PRKD1: variants seen among roughly 807,000 people sequenced by gnomAD.
PRKD1 encodes the protein serine/threonine-protein kinase D1.
A neutral mutation model predicts 95.9 loss-of-function variants in PRKD1; 63 were observed. The ratio of observed to expected loss-of-function variants is 0.66; its 90% CI spans 0.54 to 0.81. The LOEUF is 0.81. Ranked by LOEUF, PRKD1 falls within the 30% of genes least tolerant of loss-of-function variation. The pLI is 0.00. For missense variants in PRKD1, 1,048 were observed against 1,165.3 expected (o/e 0.90, Z 1.47); for synonymous variants, 425 against 423.1 (o/e 1.00, Z -0.05).
intron 1 of PRKD1, among the ~76,000 whole-genome samples, chr14:29,917,998 T>A (rs906680194): frequency 6.6e-6 from 1 of 152,072 alleles, no homozygotes; most frequent in African/African-American, 2.4e-5. Flanking sequence ...TAAACTTGTG[T>A]CATGGGGGGG....
intron 1 of PRKD1, among the ~76,000 whole-genome samples, chr14:29,828,331 AAGG>A (rs1891275873): frequency 6.6e-6 from 1 of 152,042 alleles, no homozygotes; most frequent in African/African-American, 2.4e-5. Context: ...CAAGAGAGAG[AAGG>A]AGAAGGTGCC....
intron 1 of PRKD1, among the ~76,000 whole-genome samples, chr14:29,780,403 A>G (rs997363333): frequency 3.3e-5 from 5 of 152,368 alleles, no homozygotes; most frequent in Admixed American, 2.6e-4. Context: ...ACAAAGGGCT[A>G]ATATCCAGAA....
At chr14:29,629,168 C>G in intron 10 of PRKD1, 75 bp from the exon 11 acceptor site, 1 of 1,242,924 alleles carries the variant, frequency 8.0e-7, no homozygotes, top group East Asian at 2.4e-5. Context: ...TAAGTACATG[C>G]TTACAAATCA....
At chr14:29,884,865 G>A (rs1422941570) in intron 1 of PRKD1, among the ~76,000 whole-genome samples, 1 of 152,214 alleles carries the variant, frequency 6.6e-6, no homozygotes, top group African/African-American at 2.4e-5. Context: ...GCTCACGCCT[G>A]TAATCCCAGC....
chr14:29,752,646 G>T (rs1344071717), intron 1 of PRKD1, among the ~76,000 whole-genome samples: 1 of 151,606 alleles, frequency 6.6e-6, no homozygotes, highest in East Asian at 1.9e-4. Context: ...ACTTTCTTAT[G>T]CAAAATTCAT....
chr14:29,626,458 T>TA (rs757029532), intron 12 of PRKD1, 26 bp downstream of exon 12: 2 of 1,580,256 alleles, frequency 1.3e-6, no homozygotes, highest in South Asian at 2.3e-5. Flanking sequence ...TTTAAGTTCA[T>TA]AAAAATACTC....
At chr14:29,805,440 G>C (rs1418142772) in intron 1 of PRKD1, among the ~76,000 whole-genome samples, 1 of 152,162 alleles carries the variant, frequency 6.6e-6, no homozygotes, top group Non-Finnish European at 1.5e-5. Flanking sequence ...TAATTATCTG[G>C]GATATCAATA....
At chr14:29,809,595 T>C (rs929493110) in intron 1 of PRKD1, among the ~76,000 whole-genome samples, 8 of 152,238 alleles carry the variant, frequency 5.3e-5, no homozygotes, top group Non-Finnish European at 8.8e-5. Context: ...TTAAACCTTA[T>C]GAAACAAACT....
intron 1 of PRKD1, among the ~76,000 whole-genome samples, chr14:29,864,196 T>G (rs1246110471): frequency 6.6e-6 from 1 of 152,102 alleles, no homozygotes; most frequent in Non-Finnish European, 1.5e-5. Context: ...GGCAACATAT[T>G]AATATTCCAA....
intron 13 of PRKD1, among the ~76,000 whole-genome samples, chr14:29,619,106 T>G (rs1594366756): frequency 6.6e-6 from 1 of 152,304 alleles, no homozygotes; most frequent in Admixed American, 6.5e-5. Flanking sequence ...AATAGAATTT[T>G]ATTTCTCAAG....
intron 1 of PRKD1, among the ~76,000 whole-genome samples, chr14:29,866,001 A>G (rs552027408): frequency 6.6e-6 from 1 of 152,326 alleles, no homozygotes; most frequent in South Asian, 2.1e-4. Context: ...TTCTTTGAAT[A>G]TAATTTTTAA....
intron 1 of PRKD1, among the ~76,000 whole-genome samples, chr14:29,830,368 A>G (rs1290139215): frequency 6.6e-6 from 1 of 152,152 alleles, no homozygotes; most frequent in Non-Finnish European, 1.5e-5. Flanking sequence ...TTCAGAGTGG[A>G]GTTTGTCTTT....
chr14:29,856,137 G>T (rs1406756616), intron 1 of PRKD1, among the ~76,000 whole-genome samples: 1 of 151,910 alleles, frequency 6.6e-6, no homozygotes, highest in Non-Finnish European at 1.5e-5. Context: ...CATCACAAAG[G>T]GTATAAAGGA....
chr14:29,809,329 T>C (rs1191664497), intron 1 of PRKD1, among the ~76,000 whole-genome samples: 1 of 152,246 alleles, frequency 6.6e-6, no homozygotes, highest in East Asian at 1.9e-4. Flanking sequence ...AGTTACCAGC[T>C]GCTTTAGCCC....
chr14:29,840,136 C>T (rs144840493), intron 1 of PRKD1, among the ~76,000 whole-genome samples: 1,556 of 152,216 alleles, frequency 0.01, 30 homozygotes, highest in African/African-American at 0.036. Flanking sequence ...CTGCTTCCCT[C>T]GTAAAACTGA....
intron 13 of PRKD1, among the ~76,000 whole-genome samples, chr14:29,617,792 T>C (rs1448823652): frequency 2.0e-5 from 3 of 152,088 alleles, no homozygotes; most frequent in Admixed American, 2.0e-4. Flanking sequence ...ACTGGCCTGG[T>C]GCAGTGTCTC....
rs141609208 is a variant in PRKD1, at chr14:29,900,984, TG to T, written c.264+26264del. ...CCATTTGACCCAGCAATCCTCCTAC[TG>T]GGTATATGCCCAAAAGAAAATAATT... On this transcript the variant is annotated intron_variant, in intron 1 of 17. Coordinates refer to ENST00000331968, the MANE Select transcript of PRKD1 (RefSeq NM_002742.3). Among the ~76,000 whole-genome samples, 88 of 152,326 alleles carry T rather than the reference TG, an allele frequency of 5.8e-4. 1 individual carries two copies. In the East Asian group the frequency reaches 0.015, roughly 25 times the overall value.
At chr14:29,810,493 A>G (rs959438607) in intron 1 of PRKD1, among the ~76,000 whole-genome samples, 6 of 152,232 alleles carry the variant, frequency 3.9e-5, no homozygotes, top group Admixed American at 1.3e-4. Flanking sequence ...TTTTATCTAA[A>G]TGTTTTCTAT....
In PRKD1 at chr14:29,857,047, G is replaced by A. The variant is rs545989725; in HGVS notation, c.264+70202C>T. Among the ~76,000 whole-genome samples, 10 of 152,240 alleles carry A rather than the reference G, an allele frequency of 6.6e-5. 1 individual carries two copies. The South Asian group carries it at 1.9e-3, about 28-fold the overall frequency. On this transcript the variant is annotated intron_variant, in intron 1 of 17. Coordinates refer to ENST00000331968, the MANE Select transcript of PRKD1 (RefSeq NM_002742.3). ...CTGCATTTACTAGCCCTGTAATCTG[G>A]GGCAAATATCTTAACCTCTCACCTC...
Sources: gnomAD v4.1 joint callset for allele counts (sites outside exome capture counted in the v4.1 genomes callset) on GRCh38, gnomAD v4.1.1 for gene constraint, MANE v1.5 for transcripts, NCBI Gene and HGNC (gene_info 2026-07-23, HGNC 2026-07-21) for gene names.